ACCSL: variants seen among roughly 807,000 people sequenced by gnomAD.
ACCSL encodes the protein probable inactive 1-aminocyclopropane-1-carboxylate synthase-like protein 2.
ACCSL carries 55 observed loss-of-function variants against 61.7 expected under a neutral mutation model. That is an observed-to-expected ratio of 0.89 (90% CI 0.72 to 1.12). The LOEUF is 1.12. Ranked by LOEUF, ACCSL falls within the 50% of genes most tolerant of loss-of-function variation. The pLI is 0.00. For missense variants in ACCSL, 632 were observed against 698.0 expected, an observed-to-expected ratio of 0.91 and a Z score of 1.07; for synonymous variants, 258 against 264.3, an observed-to-expected ratio of 0.98 and a Z score of 0.23.
At chr11:44,036,781 CAAA>C in the ACCSL span, among the ~76,000 whole-genome samples, 10 of 56,536 alleles carry the variant, frequency 1.8e-4, no homozygotes, top group Admixed American at 4.1e-4. Context: ...GACACCAGCT[CAAA>C]AAAAAAAAAA....
chr11:44,009,795 T>C, the ACCSL span, among the ~76,000 whole-genome samples: 10 of 151,880 alleles, frequency 6.6e-5, no homozygotes, highest in Middle Eastern at 3.4e-3. Context: ...TAATATCAAA[T>C]AGAATGAGAA....
the ACCSL span, among the ~76,000 whole-genome samples, chr11:43,958,194 G>C: frequency 6.6e-6 from 1 of 152,156 alleles, no homozygotes; most frequent in Non-Finnish European, 1.5e-5. Flanking sequence ...TTATTCAGGA[G>C]GTCATAAGAT....
chr11:44,019,429 C>T, the ACCSL span, among the ~76,000 whole-genome samples: 3,436 of 152,258 alleles, frequency 0.023, 150 homozygotes, highest in African/African-American at 0.079. Flanking sequence ...CACATCCTTG[C>T]CAACACTTGT....
At chr11:43,980,279 CA>C in the ACCSL span, among the ~76,000 whole-genome samples, 5 of 152,016 alleles carry the variant, frequency 3.3e-5, no homozygotes, top group Admixed American at 6.5e-5. Context: ...CACCTAAACC[CA>C]AAAAAATGTG....
the ACCSL span, among the ~76,000 whole-genome samples, chr11:43,982,274 C>T: frequency 7.5e-6 from 1 of 132,502 alleles, no homozygotes; most frequent in African/African-American, 2.8e-5. Context: ...GTTGCCCAGG[C>T]TGGAGTGCAG....
At chr11:43,966,985 C>T in the ACCSL span, among the ~76,000 whole-genome samples, 115 of 151,954 alleles carry the variant, frequency 7.6e-4, no homozygotes, top group African/African-American at 2.4e-3. Flanking sequence ...CCATATTTAT[C>T]ATTTTCTCTC....
chr11:44,020,014 G>A, the ACCSL span, among the ~76,000 whole-genome samples: 3 of 152,102 alleles, frequency 2.0e-5, no homozygotes, highest in African/African-American at 7.2e-5. Flanking sequence ...AACTATTTTT[G>A]CCCCCACTGA....
the ACCSL span, among the ~76,000 whole-genome samples, chr11:43,959,113 A>G: frequency 6.6e-6 from 1 of 152,188 alleles, no homozygotes; most frequent in Non-Finnish European, 1.5e-5. Flanking sequence ...TCATACCACC[A>G]CAGTGGGCAT....
chr11:43,954,186 G>A, the ACCSL span, among the ~76,000 whole-genome samples: 12 of 152,276 alleles, frequency 7.9e-5, no homozygotes, highest in Middle Eastern at 3.4e-3. Context: ...TTGGAGATGA[G>A]CAAATGTGTT....
At chr11:44,000,525 C>CA in the ACCSL span, among the ~76,000 whole-genome samples, 1,161 of 108,624 alleles carry the variant, frequency 0.011, 27 homozygotes, top group African/African-American at 0.038. Flanking sequence ...GACTCTGTCT[C>CA]AAAAAAAAAA....
At chr11:43,954,050 TGTC>T in the ACCSL span, among the ~76,000 whole-genome samples, 1 of 152,052 alleles carries the variant, frequency 6.6e-6, no homozygotes, top group East Asian at 1.9e-4. Context: ...ACAGGTGACT[TGTC>T]GTGCAGTTTC....
the ACCSL span, among the ~76,000 whole-genome samples, chr11:43,936,886 C>G: frequency 2.2e-4 from 34 of 152,222 alleles, no homozygotes; most frequent in Middle Eastern, 3.4e-3. Context: ...CCCCACCCCC[C>G]CCTCCTGCCC....
At chr11:43,968,315 C>T in the ACCSL span, among the ~76,000 whole-genome samples, 20 of 152,156 alleles carry the variant, frequency 1.3e-4, no homozygotes, top group East Asian at 3.5e-3. Context: ...TTCAGCATCC[C>T]CCTGAGCCCC....
upstream of ACCSL, among the ~76,000 whole-genome samples, chr11:44,043,162 G>A (rs893812949): frequency 6.6e-6 from 1 of 152,136 alleles, no homozygotes; most frequent in African/African-American, 2.4e-5. Flanking sequence ...ATTTAAGTCT[G>A]ATAAGATTCA....
the ACCSL span, among the ~76,000 whole-genome samples, chr11:44,003,068 T>G: frequency 6.6e-6 from 1 of 152,234 alleles, no homozygotes; most frequent in Admixed American, 6.5e-5. Flanking sequence ...ATCTGAAATA[T>G]TTCATAATGA....
At chr11:43,969,613 C>G in the ACCSL span, among the ~76,000 whole-genome samples, 40 of 152,074 alleles carry the variant, frequency 2.6e-4, no homozygotes, top group African/African-American at 8.9e-4. Context: ...GGAGAGAATC[C>G]TGGGTCAGTG....
chr11:43,988,806 C>CTT, the ACCSL span, among the ~76,000 whole-genome samples: 3,112 of 96,838 alleles, frequency 0.032, 102 homozygotes, highest in East Asian at 0.21. Flanking sequence ...ATTCTCTCTT[C>CTT]TTTTTTTTTT....
chr11:44,000,425 CCTGTCT>C, the ACCSL span, among the ~76,000 whole-genome samples: 218 of 139,896 alleles, frequency 1.6e-3, no homozygotes, highest in African/African-American at 5.2e-3. Context: ...CACCTGGCCC[CCTGTCT>C]CTATTTTAAA....
At chr11:43,930,508 C>A in the ACCSL span, among the ~76,000 whole-genome samples, 1 of 152,144 alleles carries the variant, frequency 6.6e-6, no homozygotes, top group Non-Finnish European at 1.5e-5. Flanking sequence ...CACGCTAGAA[C>A]TGGTTAATTA....
Sources: allele counts gnomAD v4.1 joint callset (sites outside exome capture counted in the v4.1 genomes callset), GRCh38; gene constraint gnomAD v4.1.1; transcripts MANE v1.5; gene names NCBI Gene and HGNC (gene_info 2026-07-23, HGNC 2026-07-21).